Variants in ABCB11 observed in about 807,000 individuals in gnomAD.
ABCB11 encodes ATP binding cassette subfamily B member 11.
A neutral mutation model predicts 148.0 loss-of-function variants in ABCB11; 95 were observed. That is an observed-to-expected ratio of 0.64 (90% CI 0.54 to 0.76). The LOEUF is 0.76. ABCB11 is among the 30% of genes least tolerant of loss of function. The pLI, the probability that ABCB11 is intolerant of heterozygous loss-of-function variation, is 0.00. For missense variants in ABCB11, 1,523 were observed against 1,617.8 expected (o/e 0.94, Z 1.01); for synonymous variants, 591 against 555.4 (o/e 1.06, Z -0.90).
intron 19 of ABCB11, among the ~76,000 whole-genome samples, chr2:168,956,370 G>A (rs888844568): frequency 7.3e-5 from 11 of 151,648 alleles, no homozygotes; most frequent in African/African-American, 2.7e-4. Context: ...TGGTCCTTTG[G>A]TGGTGTCATA....
chr2:168,972,239 A>C (rs1304828254), intron 13 of ABCB11, among the ~76,000 whole-genome samples, 189 bp from the exon 14 acceptor site: 1 of 152,094 alleles, frequency 6.6e-6, no homozygotes, highest in Non-Finnish European at 1.5e-5. Flanking sequence ...GTATAGCTGC[A>C]GAACAATTCA....
intron 5 of ABCB11, among the ~76,000 whole-genome samples, chr2:169,000,420 AGTTTT>A (rs1694835937): frequency 6.6e-6 from 1 of 152,110 alleles, no homozygotes; most frequent in Non-Finnish European, 1.5e-5. Flanking sequence ...CTAAAAGTTT[AGTTTT>A]ATTTGTTACA....
intron 9 of ABCB11, among the ~76,000 whole-genome samples, chr2:168,987,642 G>A (rs1694371753): frequency 6.6e-6 from 1 of 152,088 alleles, no homozygotes; most frequent in East Asian, 1.9e-4. Context: ...TGTTGCCCAG[G>A]CTGGTCTCAA....
chr2:168,998,322 G>C (rs1308467020), intron 5 of ABCB11, among the ~76,000 whole-genome samples: 1 of 152,018 alleles, frequency 6.6e-6, no homozygotes, highest in Non-Finnish European at 1.5e-5. Flanking sequence ...GGGATGGGGA[G>C]AGGTTGGTCA....
chr2:169,002,973 A>G (rs767279265), intron 5 of ABCB11, among the ~76,000 whole-genome samples: 2 of 151,940 alleles, frequency 1.3e-5, no homozygotes, highest in African/African-American at 2.4e-5. Context: ...TTTTATTTCA[A>G]TAGGTTTTTG....
chr2:168,985,779 T>C (rs1235672254), intron 10 of ABCB11, among the ~76,000 whole-genome samples: 1 of 151,990 alleles, frequency 6.6e-6, no homozygotes, highest in Non-Finnish European at 1.5e-5. Context: ...CAATGGACTT[T>C]GGGGACTCAG....
chr2:168,990,593 TCTTTAAAAACATA>T (rs1235857724), intron 9 of ABCB11, among the ~76,000 whole-genome samples, 195 bp downstream of exon 9: 2 of 152,074 alleles, frequency 1.3e-5, no homozygotes, highest in African/African-American at 4.8e-5. Context: ...AACTGCAACA[TCTTTAAAAACATA>T]CTGCTAAAGG....
chr2:168,964,690 T>C (rs970034072), intron 17 of ABCB11, among the ~76,000 whole-genome samples: 2 of 151,898 alleles, frequency 1.3e-5, no homozygotes, highest in Non-Finnish European at 2.9e-5. Context: ...ACTTTCCTTC[T>C]GGCTTAGATT....
chr2:168,924,547 C>G, intron 27 of ABCB11, 110 bp downstream of exon 27: 1 of 1,074,022 alleles, frequency 9.3e-7, no homozygotes, highest in Non-Finnish European at 1.3e-6. Flanking sequence ...TTGCCAATTT[C>G]TACTGTTAAC....
Position 168,964,212 on chromosome 2 carries a change from ATCT to A in ABCB11, c.2169_2171del (p.Glu723del). Reference sequence around the variant, plus strand: ...TAAGCAGTTGGTGCCTGACCTTTCTATCTTCTTCATAGGTAGACTTATGATCTA... The same window carrying A: ...TAAGCAGTTGGTGCCTGACCTTTCTATCTTCATAGGTAGACTTATGATCTA... On this transcript the variant is annotated inframe_deletion, in exon 18 of 28. Transcript: ENST00000650372. 1.3e-6 allele frequency: 2 copies of A among 1,554,102 alleles called. No homozygotes were observed. The highest frequency in any genetic ancestry group is 1.7e-6 in the Non-Finnish European group (2 of 1,147,044).
Position 169,024,540 on chromosome 2 carries a change from A to G in ABCB11, c.-27-6388T>C, listed in dbSNP as rs577842866. ...ATTATTAGTATTAATGTCTTACATT[A>G]GTATTAACGTACCAATGTGCACTGT... On this transcript the variant is annotated intron_variant, in intron 1 of 27. Coordinates refer to ENST00000650372, the MANE Select transcript of ABCB11 (RefSeq NM_003742.4). 3.9e-5 allele frequency among the ~76,000 whole-genome samples: 6 copies of G among 152,328 alleles called. No individual in the cohort carries two copies. The South Asian group carries it at 8.3e-4, about 21-fold the overall frequency.
chr2:168,969,964 AC>A, intron 15 of ABCB11, 80 bp downstream of exon 15: 1 of 560,780 alleles, frequency 1.8e-6, no homozygotes, highest in Non-Finnish European at 3.4e-6. Flanking sequence ...CATCCCTCCC[AC>A]CCCACAAGGA....
chr2:169,000,895 G>A (rs1409160080), intron 5 of ABCB11, among the ~76,000 whole-genome samples: 1 of 151,810 alleles, frequency 6.6e-6, no homozygotes, highest in Non-Finnish European at 1.5e-5. Flanking sequence ...TTATTTCTGT[G>A]TTTGCTTTCT....
chr2:168,916,410 T>G (rs753431955), downstream of ABCB11, among the ~76,000 whole-genome samples: 2 of 152,194 alleles, frequency 1.3e-5, no homozygotes, highest in African/African-American at 4.8e-5. Context: ...TAACTCCAAT[T>G]TATTGGGTTG....
In ABCB11 at chr2:169,026,951, C is replaced by T. The variant is rs140979104; in HGVS notation, c.-28+4274G>A. 2.1e-3 allele frequency among the ~76,000 whole-genome samples: 324 copies of T among 152,258 alleles called. 2 individuals carry two copies. The highest frequency in any genetic ancestry group is 2.6e-3 in the Non-Finnish European group (177 of 68,028). ...ATAATGTCACCTAGTTCTACTGTCTCGGCCATTAGCTGTAACACTTTTTTA... is the reference window on the plus strand; with the variant it reads ...ATAATGTCACCTAGTTCTACTGTCTTGGCCATTAGCTGTAACACTTTTTTA... On this transcript the variant is annotated intron_variant, in intron 1 of 27. Coordinates refer to ENST00000650372, the MANE Select transcript of ABCB11 (RefSeq NM_003742.4).
rs1462086662 is a variant in ABCB11, at chr2:168,930,807, C to T, written c.3269G>A (p.Arg1090Gln). The change falls in exon 25 of 28, where the codon CGA becomes CAA. Residue 1090 changes from arginine (R) to glutamine (Q), a missense_variant. Arg to Gln is a conservative substitution (Grantham distance 43). Coordinates refer to ENST00000650372, the MANE Select transcript of ABCB11 (RefSeq NM_003742.4). Reference protein sequence around the residue: ...FVDCKFTYPSRPDSQVLNGLS... With the variant: ...FVDCKFTYPSQPDSQVLNGLS... ...ACCATTCAGAACTTGCGAGTCAGGT[C>T]GAGAAGGATATGTAAATTTACAATC... 6.2e-6 allele frequency: 10 copies of T among 1,612,580 alleles called. No homozygotes were observed. The highest frequency in any genetic ancestry group is 1.1e-5 in the South Asian group (1 of 90,688).
At chr2:168,949,726 T>G (rs1692474479) in intron 19 of ABCB11, among the ~76,000 whole-genome samples, 3 of 151,576 alleles carry the variant, frequency 2.0e-5, no homozygotes, top group South Asian at 4.2e-4. Flanking sequence ...TGGCTAATAC[T>G]GAGTGACAAC....
At position 168,960,295 on chromosome 2, in the gene ABCB11, G is replaced by A. The variant is rs553761645; in HGVS notation, c.2179-2167C>T. Among the ~76,000 whole-genome samples, 3 of 151,822 alleles carry A rather than the reference G, an allele frequency of 2.0e-5. No homozygotes were observed. In the South Asian group the frequency reaches 6.2e-4, roughly 31 times the overall value. On this transcript the variant is annotated intron_variant, in intron 18 of 27. Coordinates refer to ENST00000650372, the MANE Select transcript of ABCB11 (RefSeq NM_003742.4). ...CACTAAATGGCTAGGATTCTATAAT[G>A]TATGTTTTAGATGTGTCAGCTGTGC...
chr2:168,996,330 C>T (rs1260254188), intron 6 of ABCB11, among the ~76,000 whole-genome samples: 1 of 151,896 alleles, frequency 6.6e-6, no homozygotes, highest in Admixed American at 6.6e-5. Flanking sequence ...ACTCAACTGC[C>T]CCCTACAAAC....
Sources: allele counts gnomAD v4.1 joint callset (sites outside exome capture counted in the v4.1 genomes callset), GRCh38; gene constraint gnomAD v4.1.1; transcripts MANE v1.5; gene names NCBI Gene and HGNC (gene_info 2026-07-23, HGNC 2026-07-21).